The following ROBO1 variants were observed in gnomAD, a reference collection of about 807,000 sequenced individuals.
ROBO1 encodes the protein roundabout guidance receptor 1.
In ROBO1, 149 loss-of-function variants were observed where a neutral mutation model predicts 195.9. That is an observed-to-expected ratio of 0.76 (90% CI 0.67 to 0.87). The LOEUF (loss-of-function observed/expected upper bound fraction) is 0.87. ROBO1 is among the 40% of genes least tolerant of loss of function. The pLI is 0.00. For synonymous variants in ROBO1, 816 were observed against 733.2 expected (o/e 1.11, Z -1.82); for missense variants, 1,933 against 2,068.3 (o/e 0.93, Z 1.27).
intron 2 of ROBO1, among the ~76,000 whole-genome samples, chr3:79,163,961 A>T (rs1249759520): frequency 6.6e-6 from 1 of 152,152 alleles, no homozygotes; most frequent in East Asian, 1.9e-4. Flanking sequence ...AATGACATTG[A>T]TGATTATATT....
chr3:78,826,292 C>A (rs553519710), intron 4 of ROBO1, among the ~76,000 whole-genome samples: 1 of 152,256 alleles, frequency 6.6e-6, no homozygotes, highest in South Asian at 2.1e-4. Flanking sequence ...TGTACTGGCA[C>A]ATTATTGCTT....
At chr3:79,369,348 A>G (rs1172633613) in intron 2 of ROBO1, among the ~76,000 whole-genome samples, 1 of 152,220 alleles carries the variant, frequency 6.6e-6, no homozygotes, top group East Asian at 1.9e-4. Context: ...TTCCATGTGT[A>G]AAATCCCTTT....
intron 2 of ROBO1, among the ~76,000 whole-genome samples, chr3:79,343,424 C>T (rs1428087666): frequency 6.6e-6 from 1 of 152,094 alleles, no homozygotes; most frequent in Non-Finnish European, 1.5e-5. Flanking sequence ...AAAGTGACTG[C>T]ATACGTTTGC....
chr3:78,819,869 TGAAA>T (rs2030683227), intron 4 of ROBO1, among the ~76,000 whole-genome samples: 2 of 152,150 alleles, frequency 1.3e-5, no homozygotes, highest in African/African-American at 4.8e-5. Flanking sequence ...TTATTAGAAT[TGAAA>T]GAAAAGAAAT....
At chr3:78,757,433 G>GCACACACACA (rs34283910) in intron 4 of ROBO1, among the ~76,000 whole-genome samples, 1 of 149,764 alleles carries the variant, frequency 6.7e-6, no homozygotes, top group Non-Finnish European at 1.5e-5. Flanking sequence ...ATGCGCACAT[G>GCACACACACA]CACACACACA....
At chr3:78,724,325 T>C (rs1254740893) in intron 5 of ROBO1, among the ~76,000 whole-genome samples, 1 of 151,912 alleles carries the variant, frequency 6.6e-6, no homozygotes, top group East Asian at 1.9e-4. Flanking sequence ...AACAACATAG[T>C]ACTATGACCC....
intron 2 of ROBO1, among the ~76,000 whole-genome samples, chr3:79,219,565 T>C (rs2082104216): frequency 6.6e-6 from 1 of 151,986 alleles, no homozygotes; most frequent in Non-Finnish European, 1.5e-5. Context: ...CCATGCATGA[T>C]TTCAAAGTAA....
rs566923268 is a variant in ROBO1, at chr3:79,732,236, GAAGTC to G, written c.-51+35511_-51+35515del. On this transcript the variant is annotated intron_variant, in intron 1 of 30. Transcript: ENST00000464233. Reference sequence around the variant, plus strand: ...ATCTTATGGGGCTACTATCATATATGAAGTCAAGTGTTGATAAAAATATCGTTACA... The same window carrying G: ...ATCTTATGGGGCTACTATCATATATGAAGTGTTGATAAAAATATCGTTACA... Among the ~76,000 whole-genome samples, 848 of 151,874 alleles carry G rather than the reference GAAGTC, an allele frequency of 5.6e-3. 4 individuals are homozygous for G. The highest frequency in any genetic ancestry group is 0.018 in the African/African-American group (727 of 41,420).
At chr3:79,291,999 T>C (rs1257151451) in intron 2 of ROBO1, among the ~76,000 whole-genome samples, 1 of 152,234 alleles carries the variant, frequency 6.6e-6, no homozygotes, top group Admixed American at 6.5e-5. Flanking sequence ...ATCTGTTAAA[T>C]TGAAATTCAA....
intron 2 of ROBO1, among the ~76,000 whole-genome samples, chr3:79,506,029 T>A (rs1264223884): frequency 6.6e-6 from 1 of 152,170 alleles, no homozygotes; most frequent in Non-Finnish European, 1.5e-5. Flanking sequence ...GGGTTAATGT[T>A]AAGCCTGGAC....
chr3:78,905,513 G>A (rs1378125239), intron 4 of ROBO1, among the ~76,000 whole-genome samples: 1 of 152,026 alleles, frequency 6.6e-6, no homozygotes, highest in Admixed American at 6.6e-5. Context: ...CAGCTACTCA[G>A]GAGGCTAAGG....
At chr3:78,626,817 CAT>C (rs1704819343) in intron 26 of ROBO1, among the ~76,000 whole-genome samples, 1 of 151,824 alleles carries the variant, frequency 6.6e-6, no homozygotes, top group Non-Finnish European at 1.5e-5. Flanking sequence ...ACTCAAAACT[CAT>C]ATCTAAATCA....
In ROBO1 at chr3:78,600,583, T is replaced by C. The variant is rs541970877; in HGVS notation, c.4745-274A>G. Reference sequence around the variant, plus strand: ...CAAACTCACTACAGACCAATATCATTAAAAGAGGTAAACCAAACCTGGAGT... The same window carrying C: ...CAAACTCACTACAGACCAATATCATCAAAAGAGGTAAACCAAACCTGGAGT... On this transcript the variant is annotated intron_variant, in intron 29 of 30. Transcript: ENST00000464233. 2.6e-5 allele frequency among the ~76,000 whole-genome samples: 4 copies of C among 151,980 alleles called. No homozygotes were observed. In the East Asian group the frequency reaches 7.7e-4, roughly 29 times the overall value.
intron 2 of ROBO1, among the ~76,000 whole-genome samples, chr3:79,377,958 CTGATTAATTGGAATGGCAGTCCTCA>C (rs1439861445): frequency 2.0e-5 from 3 of 152,142 alleles, no homozygotes; most frequent in Admixed American, 1.3e-4. Context: ...AGGTAAAACA[CTGATTAATTGGAATGGCAGTCCTCA>C]TGTTCTTGCT....
At chr3:79,715,373 C>A (rs1215468006) in intron 1 of ROBO1, among the ~76,000 whole-genome samples, 1 of 152,092 alleles carries the variant, frequency 6.6e-6, no homozygotes, top group Admixed American at 6.6e-5. Flanking sequence ...ACAGTTACCC[C>A]AACCTTCGGC....
chr3:79,153,379 G>T (rs1280060515), intron 2 of ROBO1, among the ~76,000 whole-genome samples: 1 of 151,622 alleles, frequency 6.6e-6, no homozygotes, highest in African/African-American at 2.4e-5. Context: ...ACAGTAATTT[G>T]AAAGCTAGCT....
chr3:78,689,870 A>C, intron 8 of ROBO1, among the ~76,000 whole-genome samples: 1 of 151,958 alleles, frequency 6.6e-6, no homozygotes, highest in South Asian at 2.1e-4. Flanking sequence ...TTATGTTCAC[A>C]AATGTCATCA....
chr3:79,251,627 T>C (rs1452780042), intron 2 of ROBO1, among the ~76,000 whole-genome samples: 1 of 152,192 alleles, frequency 6.6e-6, no homozygotes, highest in Non-Finnish European at 1.5e-5. Context: ...GGCGGACGCC[T>C]GCAGTCCCAG....
At chr3:79,167,393 T>A (rs1159067949) in intron 2 of ROBO1, among the ~76,000 whole-genome samples, 1 of 152,208 alleles carries the variant, frequency 6.6e-6, no homozygotes, top group Non-Finnish European at 1.5e-5. Flanking sequence ...AAAACTTCTT[T>A]GTGTACATCC....
Sources: gnomAD v4.1 joint callset for allele counts (sites outside exome capture counted in the v4.1 genomes callset) on GRCh38, gnomAD v4.1.1 for gene constraint, MANE v1.5 for transcripts, NCBI Gene and HGNC (gene_info 2026-07-23, HGNC 2026-07-21) for gene names.